SLC2A14: variants seen among roughly 807,000 people sequenced by gnomAD.
SLC2A14 encodes the protein solute carrier family 2 member 14, also known as solute carrier family 2, facilitated glucose transporter member 14.
A neutral mutation model predicts 43.0 loss-of-function variants in SLC2A14; 13 were observed. The ratio of observed to expected loss-of-function variants is 0.30; its 90% CI spans 0.20 to 0.48. The LOEUF (loss-of-function observed/expected upper bound fraction) is 0.48, where lower values mean the gene tolerates loss of function less well. SLC2A14 is among the 20% of genes least tolerant of loss of function. The pLI is 0.99. For missense variants in SLC2A14, 428 were observed against 620.4 expected, an observed-to-expected ratio of 0.69 and a Z score of 3.29; for synonymous variants, 190 against 233.8, an observed-to-expected ratio of 0.81 and a Z score of 1.71.
rs774926534 is a variant in SLC2A14 at position 7,830,026 on chromosome 12, C to G, written c.273-20G>C. The G allele has an allele frequency of 5.6e-6, 9 of 1,613,440 alleles. No homozygotes were observed. Among genetic ancestry groups the G allele is most frequent in the Non-Finnish European group, 6.8e-6 (8 of 1,179,402 alleles). On this transcript the variant is annotated intron_variant, in intron 4 of 10. Transcript: ENST00000431042. Reference sequence around the variant, plus strand: ...TTGCGCCTGTAAGGTTAATCAAAGACAACATGGAATTAGCAAAGTGAGAGG... The same window carrying G: ...TTGCGCCTGTAAGGTTAATCAAAGAGAACATGGAATTAGCAAAGTGAGAGG...
At chr12:7,836,760 C>T (rs779463138) in intron 2 of SLC2A14, among the ~76,000 whole-genome samples, 3 of 151,380 alleles carry the variant, frequency 2.0e-5, no homozygotes, top group Non-Finnish European at 4.4e-5. Context: ...CACTTGAACC[C>T]GGGAGGCGGA....
intron 10 of SLC2A14, 92 bp downstream of exon 10, chr12:7,817,739 A>AAAATTAGATAG: frequency 1.3e-6 from 1 of 776,748 alleles, no homozygotes; most frequent in Non-Finnish European, 1.8e-6. Context: ...CAGTCTCAAA[A>AAAATTAGATAG]ATATATATAT....
chr12:7,888,116 T>C (rs1329711557), intron 1 of SLC2A14, among the ~76,000 whole-genome samples: 1 of 152,102 alleles, frequency 6.6e-6, no homozygotes, highest in African/African-American at 2.4e-5. Flanking sequence ...TCCAGAAATC[T>C]ACCTAGCTTT....
intron 2 of SLC2A14, among the ~76,000 whole-genome samples, chr12:7,854,408 G>A (rs1867182724): frequency 6.6e-6 from 1 of 152,078 alleles, no homozygotes; most frequent in Non-Finnish European, 1.5e-5. Flanking sequence ...ACTTGTCAAA[G>A]CCATTATAAA....
chr12:7,858,329 C>T (rs1237206494), intron 2 of SLC2A14, among the ~76,000 whole-genome samples: 1 of 152,052 alleles, frequency 6.6e-6, no homozygotes, highest in Non-Finnish European at 1.5e-5. Context: ...CTATCATTCT[C>T]TCCTTGTTCA....
At chr12:7,870,745 C>G (rs1272910922) in intron 1 of SLC2A14, 1 of 585,562 alleles carries the variant, frequency 1.7e-6, no homozygotes, top group Non-Finnish European at 2.3e-6. Context: ...CAAAAAAAAC[C>G]TCAGAACTCT....
intron 1 of SLC2A14, among the ~76,000 whole-genome samples, chr12:7,887,549 TAGATAAATC>T (rs1309546558): frequency 1.3e-5 from 2 of 150,046 alleles, no homozygotes; most frequent in Non-Finnish European, 3.0e-5. Context: ...TGATAGTAGG[TAGATAAATC>T]AGATAGATAG....
chr12:7,874,948 ATATAT>A (rs1565585214), upstream of SLC2A14, among the ~76,000 whole-genome samples: 2 of 14,284 alleles, frequency 1.4e-4, no homozygotes, highest in Non-Finnish European at 3.2e-4. Context: ...TTATATATAA[ATATAT>A]TTATATATAA....
At chr12:7,827,055 C>T (rs1290165849) in intron 7 of SLC2A14, among the ~76,000 whole-genome samples, 20 of 123,206 alleles carry the variant, frequency 1.6e-4, no homozygotes, top group Non-Finnish European at 2.4e-4. Context: ...TTCTCTCTCT[C>T]TCTTTCTTTC....
chr12:7,853,241 G>C (rs2120941191), intron 2 of SLC2A14, among the ~76,000 whole-genome samples: 1 of 151,880 alleles, frequency 6.6e-6, no homozygotes, highest in African/African-American at 2.4e-5. Context: ...GAGTTTGAGA[G>C]CAGCCTGACC....
chr12:7,827,758 G>A (rs1864623068), intron 6 of SLC2A14, 76 bp from the exon 7 acceptor site: 1 of 1,494,834 alleles, frequency 6.7e-7, no homozygotes, highest in African/African-American at 1.4e-5. Context: ...AGGCAGCCAG[G>A]AAAGGGCCGC....
chr12:7,878,471 C>T (rs985088559), upstream of SLC2A14, among the ~76,000 whole-genome samples: 4 of 151,112 alleles, frequency 2.6e-5, no homozygotes, highest in Non-Finnish European at 5.9e-5. Flanking sequence ...GTTGGCCAGG[C>T]TGGTCTTGAA....
chr12:7,850,146 T>C (rs1866808070), intron 2 of SLC2A14, among the ~76,000 whole-genome samples: 1 of 151,566 alleles, frequency 6.6e-6, no homozygotes. Context: ...GACTAAGAGA[T>C]AAGAGATAAA....
chr12:7,817,882 G>A lies in SLC2A14; in HGVS notation c.1224C>T (p.Cys408=), dbSNP rs780264514. The A allele has an allele frequency of 3.7e-6, 6 of 1,614,168 alleles. No homozygotes were observed. The highest frequency in any genetic ancestry group is 2.2e-5 in the East Asian group (1 of 44,876). The change falls in exon 10 of 11, where the codon TGC becomes TGT. Residue 408 remains cysteine, a synonymous_variant. Coordinates refer to ENST00000431042, the MANE Select transcript of SLC2A14 (RefSeq NM_001286234.2). ...PRPAAMAVAG[C]SNWTSNFLVG... ...CTAGGAAGTTGGAGGTCCAGTTGGA[G>A]CAGCCGGCCACTGCCATCGCAGCTG... is the stretch of plus-strand genomic sequence containing the variant.
chr12:7,862,390 C>A (rs1269288498), intron 2 of SLC2A14, among the ~76,000 whole-genome samples: 1 of 152,054 alleles, frequency 6.6e-6, no homozygotes, highest in Non-Finnish European at 1.5e-5. Context: ...GCGCTGCGCT[C>A]GATTTCTCGC....
chr12:7,862,782 G>A (rs930226501), intron 2 of SLC2A14, among the ~76,000 whole-genome samples: 24 of 152,288 alleles, frequency 1.6e-4, no homozygotes, highest in Non-Finnish European at 2.5e-4. Flanking sequence ...AGGTTTGTGA[G>A]TGCACCAATT....
Position 7,827,084 on chromosome 12 carries a change from T to TC in SLC2A14, c.864+410_864+411insG, listed in dbSNP as rs1491120625. ...TTCTTTCTCTCTCTCTCTTTCTTTCTTTCTTTCTTTCTCTTTCTTTCTTTC... is the reference window on the plus strand; with the variant it reads ...TTCTTTCTCTCTCTCTCTTTCTTTCTCTTCTTTCTTTCTCTTTCTTTCTTTC... On this transcript the variant is annotated intron_variant, in intron 7 of 10. Transcript: ENST00000431042. Among the ~76,000 whole-genome samples the TC allele has an allele frequency of 4.9e-5, 6 of 123,696 alleles. No homozygotes were observed. The East Asian group carries it at 1.0e-3, about 21-fold the overall frequency. 81.1% of individuals were successfully genotyped at this position (123,696 alleles called of 152,430 possible). A position where few individuals can be genotyped will look rare whatever the true frequency, so the allele number is the denominator to read the frequency against.
At chr12:7,847,189 T>C (rs937921679) in intron 2 of SLC2A14, among the ~76,000 whole-genome samples, 1 of 151,686 alleles carries the variant, frequency 6.6e-6, no homozygotes, top group Non-Finnish European at 1.5e-5. Flanking sequence ...GAGGCAGAGG[T>C]TGCAGTGACC....
chr12:7,832,878 T>G, intron 2 of SLC2A14, 64 bp from the exon 3 acceptor site: 1 of 1,495,308 alleles, frequency 6.7e-7, no homozygotes, highest in Non-Finnish European at 9.3e-7. Flanking sequence ...TGACTGTTTC[T>G]TATTAATTAT....
Sources: gnomAD v4.1 joint callset for allele counts (sites outside exome capture counted in the v4.1 genomes callset) on GRCh38, gnomAD v4.1.1 for gene constraint, MANE v1.5 for transcripts, NCBI Gene and HGNC (gene_info 2026-07-23, HGNC 2026-07-21) for gene names.